Variants in DCLK1 observed in about 807,000 individuals in gnomAD.
The protein encoded by DCLK1 is serine/threonine-protein kinase DCLK1.
In DCLK1, 16 loss-of-function variants were observed where a neutral mutation model predicts 86.2. The ratio of observed to expected loss-of-function variants is 0.19; its 90% CI spans 0.13 to 0.28. The LOEUF (loss-of-function observed/expected upper bound fraction) is 0.28, where lower values mean the gene tolerates loss of function less well. Among genes scored for constraint, DCLK1 ranks in the 10% least tolerant of loss-of-function variants. DCLK1 has a pLI of 1.00. For synonymous variants in DCLK1, 369 were observed against 370.5 expected, an observed-to-expected ratio of 1.00 and a Z score of 0.05; for missense variants, 590 against 940.2, an observed-to-expected ratio of 0.63 and a Z score of 4.87.
chr13:35,886,443 G>A (rs772990717), intron 4 of DCLK1, among the ~76,000 whole-genome samples: 9 of 152,268 alleles, frequency 5.9e-5, no homozygotes, highest in Non-Finnish European at 1.3e-4. Flanking sequence ...GACTTCTTGG[G>A]AGATTGCAGA....
chr13:35,879,361 C>A (rs888559413), intron 4 of DCLK1, among the ~76,000 whole-genome samples: 5 of 152,178 alleles, frequency 3.3e-5, no homozygotes, highest in Admixed American at 6.5e-5. Flanking sequence ...GGAGCAGAAA[C>A]CTTATGTAAC....
intron 3 of DCLK1, among the ~76,000 whole-genome samples, chr13:36,052,473 G>T (rs1381993304): frequency 6.6e-6 from 1 of 152,084 alleles, no homozygotes; most frequent in Non-Finnish European, 1.5e-5. Context: ...TAAAAATATA[G>T]AAATGACCAA....
At chr13:35,854,258 G>A (rs1326622079) in intron 6 of DCLK1, among the ~76,000 whole-genome samples, 2 of 152,208 alleles carry the variant, frequency 1.3e-5, no homozygotes, top group African/African-American at 4.8e-5. Context: ...AAAGAGGAGA[G>A]TATGTAAAAG....
At chr13:36,116,240 G>A (rs1000145039) in intron 2 of DCLK1, among the ~76,000 whole-genome samples, 6 of 152,058 alleles carry the variant, frequency 3.9e-5, no homozygotes, top group East Asian at 1.9e-4. Flanking sequence ...GTGAGCCACC[G>A]CGACTGGCCT....
chr13:36,015,488 A>T (rs1395049710), intron 3 of DCLK1, among the ~76,000 whole-genome samples: 1 of 152,190 alleles, frequency 6.6e-6, no homozygotes, highest in East Asian at 1.9e-4. Flanking sequence ...AATATTTATT[A>T]TATTAAACTA....
At chr13:36,020,752 A>C (rs553317415) in intron 3 of DCLK1, among the ~76,000 whole-genome samples, 1 of 152,230 alleles carries the variant, frequency 6.6e-6, no homozygotes, top group African/African-American at 2.4e-5. Context: ...AAAACTATCA[A>C]CTAAATATTC....
At chr13:35,992,163 C>A (rs1383233197) in intron 3 of DCLK1, among the ~76,000 whole-genome samples, 1 of 152,186 alleles carries the variant, frequency 6.6e-6, no homozygotes, top group East Asian at 1.9e-4. Context: ...GTTCGCACTT[C>A]TTCCTTCTGA....
At chr13:35,933,764 G>A (rs1876590603) in intron 4 of DCLK1, among the ~76,000 whole-genome samples, 1 of 152,202 alleles carries the variant, frequency 6.6e-6, no homozygotes, top group African/African-American at 2.4e-5. Flanking sequence ...GGCTTGTGAT[G>A]GGAGGGGCTG....
chr13:35,853,254 C>G (rs1870784581), intron 6 of DCLK1, among the ~76,000 whole-genome samples: 1 of 152,172 alleles, frequency 6.6e-6, no homozygotes, highest in South Asian at 2.1e-4. Flanking sequence ...GGCTTTCTAT[C>G]TGGAAAGAGG....
intron 4 of DCLK1, among the ~76,000 whole-genome samples, chr13:35,914,350 CATATAT>C (rs1566600254): frequency 2.1e-5 from 2 of 94,228 alleles, no homozygotes; most frequent in African/African-American, 4.9e-5. Flanking sequence ...TATATATATA[CATATAT>C]ATATATATAT....
chr13:36,080,880 T>C (rs1345327692), intron 3 of DCLK1, among the ~76,000 whole-genome samples: 2 of 152,128 alleles, frequency 1.3e-5, no homozygotes, highest in African/African-American at 2.4e-5. Context: ...TGGCAATGCC[T>C]AAGAAACATT....
chr13:35,850,590 T>C, intron 6 of DCLK1: 1 of 1,282,612 alleles, frequency 7.8e-7, no homozygotes. Context: ...TATTTACTTT[T>C]GGATGATTTG....
intron 3 of DCLK1, among the ~76,000 whole-genome samples, chr13:36,040,303 T>G (rs1882652981): frequency 6.8e-6 from 1 of 147,216 alleles, no homozygotes; most frequent in Non-Finnish European, 1.5e-5. Context: ...TAGGCTTTCT[T>G]TGTTTTTGAT....
chr13:35,907,442 C>T (rs986331177), intron 4 of DCLK1, among the ~76,000 whole-genome samples: 2 of 151,190 alleles, frequency 1.3e-5, no homozygotes, highest in Non-Finnish European at 1.5e-5. Context: ...GGATTACAGG[C>T]CTAAGCCACT....
At chr13:35,798,976 G>C (rs780169346) in intron 15 of DCLK1, among the ~76,000 whole-genome samples, 2 of 152,118 alleles carry the variant, frequency 1.3e-5, no homozygotes, top group Non-Finnish European at 2.9e-5. Context: ...GTATGTAGGT[G>C]GGATATAGGA....
chr13:35,962,024 C>T (rs986604924), intron 3 of DCLK1, among the ~76,000 whole-genome samples: 1 of 152,188 alleles, frequency 6.6e-6, no homozygotes, highest in Non-Finnish European at 1.5e-5. Context: ...TGTTATACTG[C>T]CCTTCAGTGT....
chr13:35,961,073 G>A (rs1201792643), intron 3 of DCLK1, among the ~76,000 whole-genome samples: 1 of 152,136 alleles, frequency 6.6e-6, no homozygotes, highest in Admixed American at 6.5e-5. Context: ...TATAATAGAG[G>A]TTTTGAGTAT....
In DCLK1 at chr13:35,827,678, A is replaced by G. The variant is rs746369758; in HGVS notation, c.1364T>C (p.Met455Thr). ...HPNIVLLIEE[M>T]DVPTELYLVM... The stretch of plus-strand genomic sequence containing the variant: ...AAGATACAGTTCAGTTGGCACATCC[A>G]TCTCCTCAATCAGAAGAACGATATT... The change falls in exon 10 of 17, where the codon ATG becomes ACG. Residue 455 changes from methionine to threonine, a missense_variant. Coordinates refer to ENST00000360631, the MANE Select transcript of DCLK1 (RefSeq NM_001330071.2). 12 of 1,614,004 alleles carry G rather than the reference A, an allele frequency of 7.4e-6. No individual in the cohort carries two copies. The East Asian group carries it at 2.7e-4, about 36-fold the overall frequency.
chr13:35,883,083 C>G (rs1242662693), intron 4 of DCLK1, among the ~76,000 whole-genome samples: 1 of 152,142 alleles, frequency 6.6e-6, no homozygotes, highest in African/African-American at 2.4e-5. Context: ...CAGAGGAAAG[C>G]AGGCACCAGA....
Sources: allele counts gnomAD v4.1 joint callset (sites outside exome capture counted in the v4.1 genomes callset), GRCh38; gene constraint gnomAD v4.1.1; transcripts MANE v1.5; gene names NCBI Gene and HGNC (gene_info 2026-07-23, HGNC 2026-07-21).